The following DLL1 variants were observed in gnomAD, a reference collection of about 807,000 sequenced individuals.
The protein encoded by DLL1 is delta-like protein 1.
In DLL1, 9 loss-of-function variants were observed where a neutral mutation model predicts 75.1. The observed-to-expected ratio is 0.12, with a 90% confidence interval of 0.07 to 0.21. DLL1 has a LOEUF of 0.21. DLL1 is among the 10% of genes least tolerant of loss of function. DLL1 has a pLI of 1.00. For missense variants in DLL1, 837 were observed against 1,007.6 expected, an observed-to-expected ratio of 0.83 and a Z score of 2.29; for synonymous variants, 477 against 418.3, an observed-to-expected ratio of 1.14 and a Z score of -1.71.
At chr6:170,284,824 TA>T in intron 8 of DLL1, 94 bp downstream of exon 8, 1 of 1,273,114 alleles carries the variant, frequency 7.9e-7, no homozygotes, top group Non-Finnish European at 1.1e-6. Context: ...AAGTGATTCA[TA>T]AACTCGAGGT....
rs2738823 is a variant in DLL1 at position 170,284,865 on chromosome 6, C to T, written c.1249+54G>A. On this transcript the variant is annotated intron_variant, in intron 8 of 10. Coordinates refer to ENST00000366756, the MANE Select transcript of DLL1 (RefSeq NM_005618.4). ...CACAAATGCTTGTTTTTAATGCCACCTCAGTATTGACCGCTCGCCCGAGTC... is the reference window on the plus strand; with the variant it reads ...CACAAATGCTTGTTTTTAATGCCACTTCAGTATTGACCGCTCGCCCGAGTC... The T allele has an allele frequency of 1.9e-6, 3 of 1,562,948 alleles. No individual in the cohort carries two copies. The African/African-American group carries it at 4.1e-5, about 21-fold the overall frequency.
chr6:170,290,239 GA>G lies in DLL1; in HGVS notation c.-101del. 1 of 1,430,620 alleles carries G rather than the reference GA, an allele frequency of 7.0e-7. No homozygotes were observed. Among genetic ancestry groups the G allele is most frequent in the Non-Finnish European group, 9.5e-7 (1 of 1,054,512 alleles). 88.6% of individuals were successfully genotyped at this position (1,430,620 alleles called of 1,614,324 possible). A position where few individuals can be genotyped will look rare whatever the true frequency, so the allele number is the denominator to read the frequency against. The stretch of plus-strand genomic sequence containing the variant: ...CGATGGGCCACGGGGAGCGTGGGCA[GA>G]AAAGCGCCCTTGCCTCGCCCCAGAC... On this transcript the variant is annotated 5_prime_UTR_variant, in exon 1 of 11. Coordinates refer to ENST00000366756, the MANE Select transcript of DLL1 (RefSeq NM_005618.4). The surrounding 1 kb of genome is among the most constrained non-coding windows in gnomAD (Gnocchi z 4.7).
chr6:170,283,226 C>A lies in DLL1; in HGVS notation c.2048+5G>T. 2.5e-6 allele frequency: 4 copies of A among 1,612,864 alleles called. No homozygotes were observed. Among genetic ancestry groups the A allele is most frequent in the Non-Finnish European group, 3.4e-6 (4 of 1,179,858 alleles). On this transcript the variant is annotated splice_donor_5th_base_variant and intron_variant, in intron 9 of 10. Transcript: ENST00000366756. ...CCCTCCTGATGCCCGGCCCGCAGCACGCACCCCCTGAGTGTGGTCGGGGTC... is the reference window on the plus strand; with the variant it reads ...CCCTCCTGATGCCCGGCCCGCAGCAAGCACCCCCTGAGTGTGGTCGGGGTC...
intron 2 of DLL1, 122 bp downstream of exon 2, chr6:170,289,390 C>T (rs1337213589): frequency 7.1e-7 from 1 of 1,413,142 alleles, no homozygotes; most frequent in Admixed American, 2.1e-5. Context: ...GATCGCAGCG[C>T]CCACCTGCGC....
At chr6:170,282,957 G>A in intron 10 of DLL1, 31 bp downstream of exon 10, 1 of 1,614,022 alleles carries the variant, frequency 6.2e-7, no homozygotes, top group Admixed American at 1.7e-5. Context: ...CCCATGCCGA[G>A]GAGGAGGGAG....
In DLL1 at chr6:170,282,679, C is replaced by T. The variant is rs569387031; in HGVS notation, c.*195G>A. 18 of 805,162 alleles carry T rather than the reference C, an allele frequency of 2.2e-5. No homozygotes were observed. The highest frequency in any genetic ancestry group is 2.9e-5 in the Non-Finnish European group (14 of 478,708). The allele number at this position is 805,162 out of a possible 1,614,324, so 49.9% of individuals were successfully genotyped here. ...ACGGCGACGTCACGGAAGGCAGTGCCGCAGGCGGCCGGGCCGCGACAGGCT... is the reference window on the plus strand; with the variant it reads ...ACGGCGACGTCACGGAAGGCAGTGCTGCAGGCGGCCGGGCCGCGACAGGCT... On this transcript the variant is annotated 3_prime_UTR_variant, in exon 11 of 11. Coordinates refer to ENST00000366756, the MANE Select transcript of DLL1 (RefSeq NM_005618.4).
intron 5 of DLL1, 79 bp from the exon 6 acceptor site, chr6:170,285,778 C>T: frequency 6.3e-7 from 1 of 1,587,784 alleles, no homozygotes; most frequent in Admixed American, 1.7e-5. Context: ...TAGAAACCAT[C>T]TTCCCGCAGC....
chr6:170,287,604 A>G (rs140971969), intron 4 of DLL1, among the ~76,000 whole-genome samples: 140 of 152,292 alleles, frequency 9.2e-4, no homozygotes, highest in African/African-American at 3.0e-3. Context: ...TTGGGAAGAC[A>G]TTGCTTCTCC....
chr6:170,284,006 C>A lies in DLL1; in HGVS notation c.1273G>T (p.Asp425Tyr). 1 of 1,577,670 alleles carries A rather than the reference C, an allele frequency of 6.3e-7. No individual in the cohort carries two copies. The highest frequency in any genetic ancestry group is 1.3e-5 in the African/African-American group (1 of 74,336). ...GCCTGGCAGCGGCACAGGTAGGCAT[C>A]ACCGAGGTCCACACACTTGGCACCT... ...SNGAKCVDLGDAYLCRCQAGF... is the reference protein window; with the variant it reads ...SNGAKCVDLGYAYLCRCQAGF... Residue 425 changes from aspartate to tyrosine, a missense_variant, in exon 9 of 11, where the codon GAT (aspartate) becomes TAT (tyrosine). Physicochemically the swap from Asp to Tyr is radical, Grantham distance 160. Around this residue, in one of 2 missense-constraint regions of DLL1, gnomAD observed 533 missense variants for 545.7 expected, o/e 0.98. Coordinates refer to ENST00000366756, the MANE Select transcript of DLL1 (RefSeq NM_005618.4).
At position 170,290,122 on chromosome 6, in the gene DLL1, C is replaced by G. The variant is rs1783822035; in HGVS notation, c.18G>C (p.Ala6=). 1 of 1,593,192 alleles carries G rather than the reference C, an allele frequency of 6.3e-7. No homozygotes were observed. Among genetic ancestry groups the G allele is most frequent in the Non-Finnish European group, 8.5e-7 (1 of 1,177,598 alleles). MGSRC[A]LALAVLSALL... The stretch of plus-strand genomic sequence containing the variant: ...AGGCCGAGAGCACCGCCAGGGCCAG[C>G]GCGCACCGACTGCCCATGCTGCTTC... Residue 6 remains alanine (A), a synonymous_variant, in exon 1 of 11, where the codon GCG becomes GCC. Transcript: ENST00000366756. This position sits in a 1 kb window ranked among gnomAD's most constrained non-coding sequence, Gnocchi z 4.7.
intron 2 of DLL1, chr6:170,289,288 T>A (rs1200901628): frequency 7.4e-6 from 5 of 679,508 alleles, no homozygotes; most frequent in Non-Finnish European, 1.2e-5. Context: ...CCTCTCCTCC[T>A]CGCCCCAGCG....
chr6:170,288,824 G>C (rs1783767515), intron 2 of DLL1, 35 bp from the exon 3 acceptor site: 1 of 1,612,380 alleles, frequency 6.2e-7, no homozygotes, highest in East Asian at 2.2e-5. Context: ...AGACAACCCA[G>C]AAAGGTAACG....
chr6:170,286,774 CCACCTCCT>C (rs1336777796), intron 4 of DLL1, among the ~76,000 whole-genome samples: 2 of 151,630 alleles, frequency 1.3e-5, no homozygotes, highest in Non-Finnish European at 2.9e-5. Context: ...GCCCCCGGCC[CCACCTCCT>C]CACACACACC....
Position 170,290,074 on chromosome 6 carries a change from C to T in DLL1, c.54+12G>A, listed in dbSNP as rs1383251949. ...CCCCGCGGGGCCGCGGCGCCCCCACCTGCCCGCCTACCTGACACAGCAAGG... is the reference window on the plus strand; with the variant it reads ...CCCCGCGGGGCCGCGGCGCCCCCACTTGCCCGCCTACCTGACACAGCAAGG... On this transcript the variant is annotated intron_variant, in intron 1 of 10. Coordinates refer to ENST00000366756, the MANE Select transcript of DLL1 (RefSeq NM_005618.4). The surrounding 1 kb of genome is among the most constrained non-coding windows in gnomAD (Gnocchi z 4.7). The T allele has an allele frequency of 5.7e-6, 9 of 1,577,132 alleles. No homozygotes were observed. The highest frequency in any genetic ancestry group is 7.7e-6 in the Non-Finnish European group (9 of 1,170,654).
rs750323375 is a variant in DLL1, at chr6:170,283,420, T to C, written c.1859A>G (p.Asp620Gly). 6.2e-7 allele frequency: 1 copy of C among 1,611,274 alleles called. No individual in the cohort carries two copies. The highest frequency in any genetic ancestry group is 8.5e-7 in the Non-Finnish European group (1 of 1,180,026). ...TQIKNTNKKA[D>G]FHGDHSADKN... ...GTCGGCGCTGTGGTCCCCGTGGAAG[T>C]CCGCCTTCTTGTTGGTGTTCTTGAT... The change falls in exon 9 of 11, where the codon GAC becomes GGC. Residue 620 changes from aspartate to glycine, a missense_variant. By Grantham distance (94) the Asp-to-Gly change is moderately conservative. This residue lies in a region of DLL1 where 533 missense variants were observed against 545.7 expected (regional missense o/e 0.98). Coordinates refer to ENST00000366756, the MANE Select transcript of DLL1 (RefSeq NM_005618.4).
At position 170,285,003 on chromosome 6, in the gene DLL1, A is replaced by T. The variant is rs1298634519; in HGVS notation, c.1165T>A (p.Tyr389Asn). 6.2e-7 allele frequency: 1 copy of T among 1,614,030 alleles called. No individual in the cohort carries two copies. Among genetic ancestry groups the T allele is most frequent in the African/African-American group, 1.3e-5 (1 of 74,994 alleles). ...GRCSDSPDGG[Y>N]SCRCPVGYSG... ...TAGCCCACGGGGCAGCGGCAGCTGTACCCTCCATCGGGGCTGTCTGAGCAC... is the reference window on the plus strand; with the variant it reads ...TAGCCCACGGGGCAGCGGCAGCTGTTCCCTCCATCGGGGCTGTCTGAGCAC... The change falls in exon 8 of 11, where the codon TAC becomes AAC. Residue 389 changes from tyrosine to asparagine, a missense_variant. By Grantham distance (143) the Tyr-to-Asn change is moderately radical. This residue lies in a region of DLL1 where 533 missense variants were observed against 545.7 expected (regional missense o/e 0.98). Coordinates refer to ENST00000366756, the MANE Select transcript of DLL1 (RefSeq NM_005618.4).
rs547894259 is a variant in DLL1, at chr6:170,282,436, T to G, written c.*438A>C. On this transcript the variant is annotated 3_prime_UTR_variant, in exon 11 of 11. Transcript: ENST00000366756. ...GCTTTACAGATATCATGAAAAATATTTTTACAAATCCAAAAAATAACACAC... is the reference window on the plus strand; with the variant it reads ...GCTTTACAGATATCATGAAAAATATGTTTACAAATCCAAAAAATAACACAC... 35 of 217,674 alleles carry G rather than the reference T, an allele frequency of 1.6e-4. 1 individual carries two copies. In the South Asian group the frequency reaches 3.4e-3, roughly 21 times the overall value. The allele number at this position is 217,674 out of a possible 1,614,324, so 13.5% of individuals were successfully genotyped here. A position where few individuals can be genotyped will look rare whatever the true frequency, so the allele number is the denominator to read the frequency against.
chr6:170,286,068 C>T (rs916611233), intron 5 of DLL1, among the ~76,000 whole-genome samples, 170 bp downstream of exon 5: 3 of 152,246 alleles, frequency 2.0e-5, no homozygotes, highest in Non-Finnish European at 4.4e-5. Context: ...CATGACCTTA[C>T]ATGCTGCCAA....
In DLL1 at chr6:170,290,481, A is replaced by C; in HGVS notation, c.-342T>G. On this transcript the variant is annotated 5_prime_UTR_variant, in exon 1 of 11. Transcript: ENST00000366756. The surrounding 1 kb of genome is among the most constrained non-coding windows in gnomAD (Gnocchi z 4.7). ...TCGCCGGCTTCCTGGTTTTGTCTTG[A>C]GCTTCTTCGCAGGAGAGGGAGGGGG... 2 of 319,742 alleles carry C rather than the reference A, an allele frequency of 6.3e-6. No individual in the cohort carries two copies. Among genetic ancestry groups the C allele is most frequent in the Non-Finnish European group, 1.1e-5 (2 of 176,692 alleles). The allele number at this position is 319,742 out of a possible 1,614,324, so 19.8% of individuals were successfully genotyped here.
Sources: allele counts gnomAD v4.1 joint callset (sites outside exome capture counted in the v4.1 genomes callset), GRCh38; gene constraint gnomAD v4.1.1; regional missense constraint gnomAD v4.1.1; non-coding constraint Gnocchi (gnomAD v3.1); transcripts MANE v1.5; gene names NCBI Gene and HGNC (gene_info 2026-07-23, HGNC 2026-07-21).